The following EDNRA variants were observed in gnomAD, a reference collection of about 807,000 sequenced individuals.
EDNRA encodes the protein endothelin-1 receptor.
In EDNRA, 11 loss-of-function variants were observed where a neutral mutation model predicts 41.4. The observed-to-expected ratio is 0.27, with a 90% confidence interval of 0.17 to 0.44. EDNRA has a LOEUF of 0.44. Among genes scored for constraint, EDNRA ranks in the 20% least tolerant of loss-of-function variants. The pLI is 1.00. For missense variants in EDNRA, 294 were observed against 531.0 expected, an observed-to-expected ratio of 0.55 and a Z score of 4.39; for synonymous variants, 172 against 183.0, an observed-to-expected ratio of 0.94 and a Z score of 0.49.
intron 1 of EDNRA, among the ~76,000 whole-genome samples, chr4:147,484,998 C>T (rs1034917906): frequency 6.6e-6 from 1 of 152,194 alleles, no homozygotes; most frequent in African/African-American, 2.4e-5. Context: ...CAAGACAGCA[C>T]ACATTTTAGA....
intron 2 of EDNRA, chr4:147,489,130 T>A (rs529900823): frequency 2.6e-4 from 40 of 152,204 alleles, no homozygotes; most frequent in Admixed American, 5.9e-4. Flanking sequence ...TCACACCTAT[T>A]TTTGTGTTTA....
At chr4:147,516,894 C>A (rs765896341) in intron 2 of EDNRA, among the ~76,000 whole-genome samples, 6 of 151,478 alleles carry the variant, frequency 4.0e-5, no homozygotes, top group African/African-American at 7.3e-5. Context: ...TTTGATTAAG[C>A]AATAGAATTG....
chr4:147,540,781 G>C (rs1731071737), intron 7 of EDNRA, among the ~76,000 whole-genome samples: 1 of 152,278 alleles, frequency 6.6e-6, no homozygotes, highest in South Asian at 2.1e-4. Flanking sequence ...CCAGGCCACA[G>C]AGAGTACATA....
At chr4:147,494,085 A>G (rs1003911000) in intron 2 of EDNRA, 1 of 152,168 alleles carries the variant, frequency 6.6e-6, no homozygotes, top group African/African-American at 2.4e-5. Flanking sequence ...TGCCCTAAAC[A>G]TGAGACTCCT....
chr4:147,487,870 GA>G (rs954186303), intron 2 of EDNRA: 38 of 152,294 alleles, frequency 2.5e-4, no homozygotes, highest in Admixed American at 1.2e-3. Flanking sequence ...ATGCAAAATT[GA>G]AAATGTGTAA....
At chr4:147,537,943 C>T (rs527803032) in intron 5 of EDNRA, among the ~76,000 whole-genome samples, 3 of 152,288 alleles carry the variant, frequency 2.0e-5, no homozygotes, top group South Asian at 4.1e-4. Context: ...GCCATCTTGA[C>T]TAATACTCTG....
chr4:147,506,342 G>A (rs750355577), intron 2 of EDNRA: 24 of 424,548 alleles, frequency 5.7e-5, no homozygotes, highest in African/African-American at 3.7e-4. Context: ...AGCTGTCTTC[G>A]GAAGGAATAG....
At position 147,486,244 on chromosome 4, in the gene EDNRA, TTTA is replaced by T; in HGVS notation, c.420+144_420+146del. ...TTTCTGCTGTCTTCTAACTACTAGT[TTTA>T]AGATTTACAAATTTTATTATCTGTC... On this transcript the variant is annotated intron_variant, in intron 2 of 7. Coordinates refer to ENST00000651419, the MANE Select transcript of EDNRA (RefSeq NM_001957.4). This position sits in a 1 kb window ranked among gnomAD's most constrained non-coding sequence, Gnocchi z 4.3. The T allele has an allele frequency of 1.1e-6, 1 of 901,418 alleles. No homozygotes were observed. The highest frequency in any genetic ancestry group is 1.6e-6 in the Non-Finnish European group (1 of 614,960). The allele number at this position is 901,418 out of a possible 1,614,324, so 55.8% of individuals were successfully genotyped here.
intron 2 of EDNRA, among the ~76,000 whole-genome samples, chr4:147,518,615 G>C (rs1730201764): frequency 6.6e-6 from 1 of 152,038 alleles, no homozygotes; most frequent in African/African-American, 2.4e-5. Flanking sequence ...CGGGGTACTG[G>C]TTTCCCAAAC....
At chr4:147,506,089 A>C in intron 2 of EDNRA, 1 of 517,504 alleles carries the variant, frequency 1.9e-6, no homozygotes, top group Non-Finnish European at 3.8e-6. Flanking sequence ...GTATCCTGGC[A>C]GGTTCCTGAA....
chr4:147,530,845 C>G (rs1451357415), intron 3 of EDNRA, among the ~76,000 whole-genome samples: 1 of 152,128 alleles, frequency 6.6e-6, no homozygotes, highest in South Asian at 2.1e-4. Flanking sequence ...GCATGTCCTG[C>G]AAACCCATGA....
At chr4:147,500,952 G>A (rs1729497940) in intron 2 of EDNRA, among the ~76,000 whole-genome samples, 1 of 152,154 alleles carries the variant, frequency 6.6e-6, no homozygotes, top group African/African-American at 2.4e-5. Flanking sequence ...CGTGATTTTT[G>A]CAGAGGCACT....
At position 147,492,690 on chromosome 4, in the gene EDNRA, G is replaced by A. The variant is rs551466975; in HGVS notation, c.420+6589G>A. On this transcript the variant is annotated intron_variant, in intron 2 of 7. Coordinates refer to ENST00000651419, the MANE Select transcript of EDNRA (RefSeq NM_001957.4). ...TTTTTTTTTGCTCTTGAGAGAATACGAAGTAGGTTGATTTTTCTGCCATTA... is the reference window on the plus strand; with the variant it reads ...TTTTTTTTTGCTCTTGAGAGAATACAAAGTAGGTTGATTTTTCTGCCATTA... 9 of 150,170 alleles carry A rather than the reference G, an allele frequency of 6.0e-5. No homozygotes were observed. The East Asian group carries it at 1.2e-3, about 20-fold the overall frequency. The allele number at this position is 150,170 out of a possible 1,614,324, so 9.3% of individuals were successfully genotyped here.
intron 1 of EDNRA, among the ~76,000 whole-genome samples, chr4:147,482,777 C>T (rs1436821303): frequency 1.3e-5 from 2 of 152,116 alleles, no homozygotes; most frequent in African/African-American, 4.8e-5. Flanking sequence ...TTGGCCTTAC[C>T]TCCTGGCATA....
chr4:147,542,276 G>A (rs1374739185), intron 7 of EDNRA, among the ~76,000 whole-genome samples: 6 of 152,172 alleles, frequency 3.9e-5, no homozygotes, highest in Admixed American at 3.9e-4. Flanking sequence ...TGAGAAACAA[G>A]GGTTCTATTT....
At chr4:147,514,124 T>C (rs781495028) in intron 2 of EDNRA, among the ~76,000 whole-genome samples, 2 of 152,240 alleles carry the variant, frequency 1.3e-5, no homozygotes, top group Non-Finnish European at 2.9e-5. Context: ...TTAACCCATT[T>C]GAGCACCCCA....
At chr4:147,492,700 G>A (rs1578777476) in intron 2 of EDNRA, 1 of 150,058 alleles carries the variant, frequency 6.7e-6, no homozygotes, top group East Asian at 2.0e-4. Flanking sequence ...GAAGTAGGTT[G>A]ATTTTTCTGC....
At chr4:147,534,546 G>A (rs1730855954) in intron 4 of EDNRA, among the ~76,000 whole-genome samples, 1 of 152,100 alleles carries the variant, frequency 6.6e-6, no homozygotes, top group Admixed American at 6.5e-5. Flanking sequence ...GTGTTTACCA[G>A]TATCATGACT....
intron 3 of EDNRA, among the ~76,000 whole-genome samples, chr4:147,532,226 T>G (rs1730772434): frequency 1.4e-5 from 2 of 145,078 alleles, no homozygotes; most frequent in African/African-American, 2.6e-5. Context: ...CTCGGGAGGC[T>G]GAGGCAGGAG....
Sources: gnomAD v4.1 joint callset for allele counts (sites outside exome capture counted in the v4.1 genomes callset) on GRCh38, gnomAD v4.1.1 for gene constraint, Gnocchi (gnomAD v3.1) non-coding constraint, MANE v1.5 for transcripts, NCBI Gene and HGNC (gene_info 2026-07-23, HGNC 2026-07-21) for gene names.